The following AOPEP variants were observed in gnomAD, a reference collection of about 807,000 sequenced individuals.
AOPEP encodes the protein aminopeptidase O (putative).
A neutral mutation model predicts 98.1 loss-of-function variants in AOPEP; 77 were observed. The observed-to-expected ratio is 0.78, with a 90% CI of 0.65 to 0.95. AOPEP has a LOEUF of 0.95. Among genes scored for constraint, AOPEP ranks in the 40% least tolerant of loss-of-function variants. AOPEP has a pLI of 0.00. For synonymous variants in AOPEP, 346 were observed against 365.3 expected, an observed-to-expected ratio of 0.95 and a Z score of 0.60; for missense variants, 1,024 against 1,024.7, an observed-to-expected ratio of 1.00 and a Z score of 0.01.
chr9:95,020,316 C>T (rs1227501189), intron 13 of AOPEP: 1 of 152,176 alleles, frequency 6.6e-6, no homozygotes, highest in African/African-American at 2.4e-5. Context: ...CTGGGAGACA[C>T]AAGATGGTAC....
chr9:94,793,750 AAGAG>A (rs1254602016), intron 4 of AOPEP, among the ~76,000 whole-genome samples: 3 of 152,148 alleles, frequency 2.0e-5, no homozygotes, highest in Admixed American at 6.5e-5. Flanking sequence ...TTTATGCAGA[AAGAG>A]AGAAGAAGGT....
At position 95,059,287 on chromosome 9, in the gene AOPEP, T is replaced by C. The variant is rs372197505; in HGVS notation, c.2116-1407T>C. ...TGAGAGAATAGCCACAGCATGTCTT[T>C]CAGATGAAGCGATGTCATGAAGTAC... On this transcript the variant is annotated intron_variant, in intron 13 of 16. Coordinates refer to ENST00000375315, the MANE Select transcript of AOPEP (RefSeq NM_001193329.3). Among the ~76,000 whole-genome samples, 88 of 152,330 alleles carry C rather than the reference T, an allele frequency of 5.8e-4. No homozygotes were observed. In the East Asian group the frequency reaches 0.012, roughly 21 times the overall value.
intron 11 of AOPEP, chr9:95,004,337 T>G (rs2061766724): frequency 2.2e-6 from 1 of 455,414 alleles, no homozygotes; most frequent in African/African-American, 2.0e-5. Context: ...CCCCTTCTTT[T>G]TAAATTCTAC....
At chr9:94,821,721 C>T (rs1329587094) in intron 5 of AOPEP, among the ~76,000 whole-genome samples, 3 of 152,150 alleles carry the variant, frequency 2.0e-5, no homozygotes, top group African/African-American at 7.2e-5. Context: ...TAGGCAGAGC[C>T]TATGCTGCTA....
chr9:94,903,131 C>A (rs2050643462), intron 5 of AOPEP, among the ~76,000 whole-genome samples: 1 of 151,592 alleles, frequency 6.6e-6, no homozygotes, highest in South Asian at 2.1e-4. Flanking sequence ...CAGGCACCTG[C>A]CACCACACTC....
At chr9:95,085,622 T>C (rs982276077) in intron 16 of AOPEP, 2 of 389,610 alleles carry the variant, frequency 5.1e-6, no homozygotes, top group African/African-American at 2.1e-5. Flanking sequence ...TCAGCTTGGG[T>C]GCGGAGCGCG....
intron 5 of AOPEP, among the ~76,000 whole-genome samples, chr9:94,823,773 A>G (rs980030008): frequency 4.1e-4 from 62 of 152,266 alleles, no homozygotes; most frequent in African/African-American, 1.4e-3. Flanking sequence ...AAGTAGGGAA[A>G]TCTCACTTAG....
intron 5 of AOPEP, among the ~76,000 whole-genome samples, chr9:94,803,731 C>G (rs1009848240): frequency 6.6e-6 from 1 of 152,154 alleles, no homozygotes; most frequent in Non-Finnish European, 1.5e-5. Flanking sequence ...ATAACAGGAG[C>G]CATTACTAAC....
At chr9:94,732,891 C>T (rs1280310505) in intron 1 of AOPEP, among the ~76,000 whole-genome samples, 1 of 152,194 alleles carries the variant, frequency 6.6e-6, no homozygotes, top group East Asian at 1.9e-4. Context: ...GTCCTATCTG[C>T]AGCAGTCTCT....
chr9:95,006,370 C>T (rs189648950), intron 13 of AOPEP, among the ~76,000 whole-genome samples: 1 of 152,250 alleles, frequency 6.6e-6, no homozygotes, highest in East Asian at 1.9e-4. Context: ...ATTAAAATAG[C>T]GGTGTGTTTT....
chr9:95,146,478 AC>A, the AOPEP span, among the ~76,000 whole-genome samples: 1 of 77,764 alleles, frequency 1.3e-5, no homozygotes, highest in East Asian at 4.4e-4. Context: ...ACAGAGTGAG[AC>A]CCCATCTCAA....
rs185289869 is a variant in AOPEP at position 94,992,360 on chromosome 9, C to T, written c.1978-12798C>T. Among the ~76,000 whole-genome samples, 12 of 152,280 alleles carry T rather than the reference C, an allele frequency of 7.9e-5. No individual in the cohort carries two copies. In the East Asian group the frequency reaches 1.7e-3, roughly 22 times the overall value. On this transcript the variant is annotated intron_variant, in intron 11 of 16. Coordinates refer to ENST00000375315, the MANE Select transcript of AOPEP (RefSeq NM_001193329.3). Reference sequence around the variant, plus strand: ...GTCAGTCCTCCAGCTTGGGCCTTTACGACCCCAGTATTTTCTGCTTCTGAT... The same window carrying T: ...GTCAGTCCTCCAGCTTGGGCCTTTATGACCCCAGTATTTTCTGCTTCTGAT...
intron 5 of AOPEP, among the ~76,000 whole-genome samples, chr9:94,811,500 A>C (rs1588338567): frequency 6.7e-6 from 1 of 149,912 alleles, no homozygotes; most frequent in African/African-American, 2.5e-5. Context: ...GGCTCTCTCC[A>C]CTCCCCATCA....
chr9:95,024,657 G>A (rs1425615683), intron 13 of AOPEP, among the ~76,000 whole-genome samples: 1 of 152,232 alleles, frequency 6.6e-6, no homozygotes, highest in East Asian at 1.9e-4. Flanking sequence ...GTCTCTGAGA[G>A]GAGGGAGAAT....
intron 16 of AOPEP, 91 bp downstream of exon 16, chr9:95,082,810 A>G: frequency 1.4e-6 from 2 of 1,429,920 alleles, no homozygotes. Flanking sequence ...TAGTTAGCCA[A>G]GACTACCCGC....
Position 94,759,750 on chromosome 9 carries a change from A to C in AOPEP, c.-34A>C. Reference sequence around the variant, plus strand: ...AGGCAGATAGGAAACCCCATCTGAGATTTTAATAAATCCCTCAAACAATAA... The same window carrying C: ...AGGCAGATAGGAAACCCCATCTGAGCTTTTAATAAATCCCTCAAACAATAA... On this transcript the variant is annotated 5_prime_UTR_variant, in exon 2 of 17. Transcript: ENST00000375315. The C allele has an allele frequency of 6.4e-7, 1 of 1,551,356 alleles. No homozygotes were observed. The highest frequency in any genetic ancestry group is 8.8e-7 in the Non-Finnish European group (1 of 1,142,208).
At chr9:94,995,718 C>G (rs966559367) in intron 11 of AOPEP, among the ~76,000 whole-genome samples, 2 of 152,072 alleles carry the variant, frequency 1.3e-5, no homozygotes, top group African/African-American at 4.8e-5. Context: ...TCAGAAACTC[C>G]TAGAAGATAG....
the AOPEP span, among the ~76,000 whole-genome samples, chr9:95,096,499 C>T: frequency 6.6e-6 from 1 of 152,272 alleles, no homozygotes; most frequent in Admixed American, 6.5e-5. Flanking sequence ...GTCTTCACAC[C>T]GCCAGTGGTG....
At chr9:95,115,611 C>T in the AOPEP span, among the ~76,000 whole-genome samples, 8 of 152,174 alleles carry the variant, frequency 5.3e-5, no homozygotes, top group Non-Finnish European at 7.4e-5. Context: ...CTGAGCAGCA[C>T]GTATCTGCAG....
Sources: gnomAD v4.1 joint callset for allele counts (sites outside exome capture counted in the v4.1 genomes callset) on GRCh38, gnomAD v4.1.1 for gene constraint, MANE v1.5 for transcripts, NCBI Gene and HGNC (gene_info 2026-07-23, HGNC 2026-07-21) for gene names.